The following COPG2 variants were observed in gnomAD, a reference collection of about 807,000 sequenced individuals.
COPG2 encodes the protein coatomer subunit gamma-2.
In COPG2, 37 loss-of-function variants were observed where a neutral mutation model predicts 46.3. The observed-to-expected ratio is 0.80, with a 90% CI of 0.61 to 1.05. The LOEUF (loss-of-function observed/expected upper bound fraction) is 1.05. Ranked by LOEUF, COPG2 falls within the 50% of genes least tolerant of loss-of-function variation. COPG2 has a pLI of 0.00. For missense variants in COPG2, 427 were observed against 387.8 expected, an observed-to-expected ratio of 1.10 and a Z score of -0.85; for synonymous variants, 159 against 129.7, an observed-to-expected ratio of 1.23 and a Z score of -1.53.
intron 9 of COPG2, among the ~76,000 whole-genome samples, chr7:130,609,311 G>A (rs782740277): frequency 1.3e-5 from 2 of 152,164 alleles, no homozygotes; most frequent in Non-Finnish European, 2.9e-5. Flanking sequence ...GGGGGCAAGT[G>A]TTTCCCATGC....
intron 9 of COPG2, among the ~76,000 whole-genome samples, chr7:130,574,174 G>A (rs186787797): frequency 1.3e-5 from 2 of 152,282 alleles, no homozygotes; most frequent in East Asian, 3.9e-4. Context: ...GCCGTACCAT[G>A]GAAGAGTATT....
At chr7:130,625,670 C>G (rs1795105803) in intron 5 of COPG2, among the ~76,000 whole-genome samples, 1 of 149,664 alleles carries the variant, frequency 6.7e-6, no homozygotes, top group South Asian at 2.1e-4. Context: ...TATGCTTTCT[C>G]CGTTTTTTTT....
chr7:130,532,111 C>T (rs1165785732), intron 20 of COPG2, among the ~76,000 whole-genome samples: 1 of 152,134 alleles, frequency 6.6e-6, no homozygotes, highest in Non-Finnish European at 1.5e-5. Context: ...GGGGAAGACG[C>T]ACGTGCAGCA....
intron 9 of COPG2, among the ~76,000 whole-genome samples, chr7:130,567,468 G>A (rs1793823489): frequency 6.6e-6 from 1 of 152,160 alleles, no homozygotes; most frequent in South Asian, 2.1e-4. Context: ...AGAACAGCCA[G>A]AAAATTCATC....
chr7:130,566,468 C>T (rs1210782697), intron 9 of COPG2, among the ~76,000 whole-genome samples: 7 of 152,292 alleles, frequency 4.6e-5, no homozygotes, highest in Non-Finnish European at 7.3e-5. Context: ...TTACTAAATA[C>T]GAACCCGAAG....
intron 17 of COPG2, among the ~76,000 whole-genome samples, chr7:130,549,766 C>G (rs953244654): frequency 6.6e-6 from 1 of 152,086 alleles, no homozygotes; most frequent in Non-Finnish European, 1.5e-5. Flanking sequence ...GTTTTGTGTT[C>G]TAACCACTAA....
At position 130,608,920 on chromosome 7, in the gene COPG2, G is replaced by A. The variant is rs140674711; in HGVS notation, c.737+2033C>T. Among the ~76,000 whole-genome samples, 522 of 152,150 alleles carry A rather than the reference G, an allele frequency of 3.4e-3. 2 individuals are homozygous for A. The highest frequency in any genetic ancestry group is 8.3e-3 in the South Asian group (40 of 4,820). On this transcript the variant is annotated intron_variant, in intron 9 of 23. Transcript: ENST00000425248. ...ATCTCACTCTGTCACCCGGGTTGGA[G>A]TGCAGTGGTGTCATCTCAGGTCACT...
At chr7:130,602,634 G>A (rs1277831618) in intron 9 of COPG2, among the ~76,000 whole-genome samples, 1 of 152,020 alleles carries the variant, frequency 6.6e-6, no homozygotes, top group East Asian at 1.9e-4. Context: ...ATCACACCCA[G>A]CTAATTTTTG....
intron 20 of COPG2, among the ~76,000 whole-genome samples, chr7:130,546,355 A>G (rs1164549618): frequency 6.6e-6 from 1 of 152,232 alleles, no homozygotes; most frequent in Admixed American, 6.5e-5. Context: ...TTTCAGACAA[A>G]TCTAACTGGA....
rs181829837 is a variant in COPG2, at chr7:130,577,345, T to C, written c.738-12952A>G. Reference sequence around the variant, plus strand: ...GCGCAAGCCGAACCAGGGCGAGGCATTGCCTCACTTGGGAAGCGCAAGGGT... The same window carrying C: ...GCGCAAGCCGAACCAGGGCGAGGCACTGCCTCACTTGGGAAGCGCAAGGGT... On this transcript the variant is annotated intron_variant, in intron 9 of 23. Transcript: ENST00000425248. Among the ~76,000 whole-genome samples the C allele has an allele frequency of 4.2e-3, 640 of 152,326 alleles. 7 individuals are homozygous for C. Among genetic ancestry groups the C allele is most frequent in the African/African-American group, 0.015 (615 of 41,572 alleles).
intron 20 of COPG2, among the ~76,000 whole-genome samples, chr7:130,532,325 A>G (rs1197627879): frequency 6.6e-6 from 1 of 152,182 alleles, no homozygotes; most frequent in Non-Finnish European, 1.5e-5. Flanking sequence ...CCAGTGACAC[A>G]GAGGATGTGG....
chr7:130,512,959 G>T (rs930617741), intron 20 of COPG2, among the ~76,000 whole-genome samples: 3 of 151,972 alleles, frequency 2.0e-5, no homozygotes, highest in African/African-American at 7.2e-5. Context: ...AAGATGAAAA[G>T]ATGTAGGATT....
At chr7:130,507,930 C>A in intron 21 of COPG2, 107 bp from the exon 22 acceptor site, 1 of 685,564 alleles carries the variant, frequency 1.5e-6, no homozygotes, top group Non-Finnish European at 2.6e-6. Context: ...ACTCTACCAC[C>A]AAAATAGTTT....
intron 14 of COPG2, among the ~76,000 whole-genome samples, chr7:130,554,047 T>C (rs1374498733): frequency 6.6e-6 from 1 of 152,190 alleles, no homozygotes; most frequent in Non-Finnish European, 1.5e-5. Context: ...ACTTCAAGTT[T>C]ATCTCCGAGG....
chr7:130,529,600 C>A (rs1208276694), intron 20 of COPG2, among the ~76,000 whole-genome samples: 2 of 152,108 alleles, frequency 1.3e-5, no homozygotes, highest in Non-Finnish European at 2.9e-5. Flanking sequence ...AAGACCAGAC[C>A]ACAGAGGCAG....
chr7:130,586,576 C>A (rs1264086701), intron 9 of COPG2, among the ~76,000 whole-genome samples: 2 of 152,006 alleles, frequency 1.3e-5, no homozygotes, highest in Non-Finnish European at 2.9e-5. Flanking sequence ...CACTCTCCTG[C>A]CTCAGCCTCC....
intron 5 of COPG2, among the ~76,000 whole-genome samples, chr7:130,635,392 G>C (rs1424756580): frequency 4.6e-5 from 7 of 152,054 alleles, no homozygotes; most frequent in African/African-American, 1.7e-4. Flanking sequence ...TTCAGAACTT[G>C]TTATTGGTCT....
intron 20 of COPG2, among the ~76,000 whole-genome samples, chr7:130,514,542 A>G (rs1021924479): frequency 2.6e-5 from 4 of 152,234 alleles, no homozygotes; most frequent in Non-Finnish European, 5.9e-5. Flanking sequence ...AGGAAGTGCC[A>G]TTCAGGAGGA....
At chr7:130,578,587 T>G (rs1190483398) in intron 9 of COPG2, among the ~76,000 whole-genome samples, 1 of 151,042 alleles carries the variant, frequency 6.6e-6, no homozygotes, top group African/African-American at 2.4e-5. Flanking sequence ...GGCAAAGAAG[T>G]TGAAAGCTTT....
Sources: gnomAD v4.1 joint callset for allele counts (sites outside exome capture counted in the v4.1 genomes callset) on GRCh38, gnomAD v4.1.1 for gene constraint, MANE v1.5 for transcripts, NCBI Gene and HGNC (gene_info 2026-07-23, HGNC 2026-07-21) for gene names.